The following MARK2 variants were observed in gnomAD, a reference collection of about 807,000 sequenced individuals.
The protein encoded by MARK2 is serine/threonine-protein kinase MARK2.
MARK2 carries 16 observed loss-of-function variants against 89.8 expected under a neutral mutation model. The ratio of observed to expected loss-of-function variants is 0.18; its 90% CI spans 0.12 to 0.27. The LOEUF is 0.27. MARK2 is among the 10% of genes least tolerant of loss of function. The pLI is 1.00. For synonymous variants in MARK2, 382 were observed against 399.5 expected, an observed-to-expected ratio of 0.96 and a Z score of 0.52; for missense variants, 621 against 1,049.9, an observed-to-expected ratio of 0.59 and a Z score of 5.65.
chr11:63,858,073 G>A (rs1032268870), intron 1 of MARK2, among the ~76,000 whole-genome samples: 3 of 151,812 alleles, frequency 2.0e-5, no homozygotes, highest in Non-Finnish European at 4.4e-5. Context: ...GTCACCCAGG[G>A]TGGAGTGCAG....
chr11:63,862,536 T>A (rs1488272679), intron 1 of MARK2, among the ~76,000 whole-genome samples: 1 of 152,194 alleles, frequency 6.6e-6, no homozygotes, highest in Non-Finnish European at 1.5e-5. Context: ...CATTGGTAAA[T>A]GTGGCCGAAA....
At chr11:63,890,161 G>A (rs1939717289) in intron 1 of MARK2, 2 of 1,125,286 alleles carry the variant, frequency 1.8e-6, no homozygotes, top group South Asian at 1.3e-5. Flanking sequence ...GGCCCAAGAA[G>A]CATTTCTGTT....
Position 63,902,841 on chromosome 11 carries a change from C to A in MARK2, c.1416+59C>A. ...TGCGGTGGGGCCTGCCCTCTCCAGG[C>A]AGCTCTTCTCTTAATTCAGACTCTG... On this transcript the variant is annotated intron_variant, in intron 13 of 18. Transcript: ENST00000402010. The surrounding 1 kb of genome is among the most constrained non-coding windows in gnomAD (Gnocchi z 4.2). The A allele has an allele frequency of 7.2e-7, 1 of 1,389,934 alleles. No individual in the cohort carries two copies. Among genetic ancestry groups the A allele is most frequent in the Non-Finnish European group, 1.0e-6 (1 of 989,954 alleles). The allele number at this position is 1,389,934 out of a possible 1,614,324, so 86.1% of individuals were successfully genotyped here.
In MARK2 at chr11:63,903,297, C is replaced by A; in HGVS notation, c.1514+139C>A. On this transcript the variant is annotated intron_variant, in intron 14 of 18. Coordinates refer to ENST00000402010, the MANE Select transcript of MARK2 (RefSeq NM_001039469.3). The surrounding 1 kb of genome is among the most constrained non-coding windows in gnomAD (Gnocchi z 5.1). ...GAGTTCCATCCTGGCTGTGTCCAGT[C>A]CAGCTTTCCCCTCCCCTATTCCACG... is the stretch of plus-strand genomic sequence containing the variant. The A allele has an allele frequency of 1.5e-6, 1 of 674,724 alleles. No homozygotes were observed. The highest frequency in any genetic ancestry group is 1.7e-5 in the South Asian group (1 of 59,384). The allele number at this position is 674,724 out of a possible 1,614,324, so 41.8% of individuals were successfully genotyped here. A position where few individuals can be genotyped will look rare whatever the true frequency, so the allele number is the denominator to read the frequency against.
At chr11:63,856,308 G>GTTTTT (rs771771264) in intron 1 of MARK2, among the ~76,000 whole-genome samples, 1 of 87,248 alleles carries the variant, frequency 1.1e-5, no homozygotes, top group African/African-American at 3.7e-5. Context: ...GGCCCTGTGG[G>GTTTTT]TTTTTTTTTT....
chr11:63,907,950 G>A (rs1033682946), intron 17 of MARK2, among the ~76,000 whole-genome samples: 3 of 152,274 alleles, frequency 2.0e-5, no homozygotes, highest in Non-Finnish European at 4.4e-5. Flanking sequence ...AGTGTGCTCA[G>A]TGAAGTGCGT....
At chr11:63,890,159 A>G in intron 1 of MARK2, 1 of 1,111,830 alleles carries the variant, frequency 9.0e-7, no homozygotes, top group South Asian at 1.3e-5. Context: ...TTGGCCCAAG[A>G]AGCATTTCTG....
chr11:63,878,565 T>G (rs1270784218), intron 1 of MARK2, among the ~76,000 whole-genome samples: 1 of 151,792 alleles, frequency 6.6e-6, no homozygotes, highest in Admixed American at 6.6e-5. Context: ...GAGACAGGAT[T>G]TCACCGTGTT....
intron 1 of MARK2, among the ~76,000 whole-genome samples, chr11:63,894,078 G>A (rs923431393): frequency 6.6e-6 from 1 of 152,178 alleles, no homozygotes; most frequent in African/African-American, 2.4e-5. Flanking sequence ...CATTTGAGCC[G>A]GGTGGCAGAG....
chr11:63,852,448 A>C (rs2016618612), intron 1 of MARK2, among the ~76,000 whole-genome samples: 2 of 152,126 alleles, frequency 1.3e-5, no homozygotes, highest in Non-Finnish European at 2.9e-5. Flanking sequence ...CCTAATTTTA[A>C]AAATTTTATT....
chr11:63,891,611 G>A lies in MARK2; in HGVS notation c.55-3548G>A, dbSNP rs553643166. 5.9e-5 allele frequency among the ~76,000 whole-genome samples: 9 copies of A among 152,372 alleles called. No homozygotes were observed. The East Asian group carries it at 7.7e-4, about 13-fold the overall frequency. On this transcript the variant is annotated intron_variant, in intron 1 of 18. Coordinates refer to ENST00000402010, the MANE Select transcript of MARK2 (RefSeq NM_001039469.3). ...TCTGGATTTTGAGAACTTAGAGACC[G>A]TCACACTTCCTGCTGCCTTGGGCTT...
chr11:63,875,659 C>T (rs922414904), intron 1 of MARK2, among the ~76,000 whole-genome samples: 1 of 152,150 alleles, frequency 6.6e-6, no homozygotes, highest in African/African-American at 2.4e-5. Flanking sequence ...AGGAAACCGC[C>T]CTTGAGATGG....
intron 1 of MARK2, among the ~76,000 whole-genome samples, chr11:63,858,872 A>C (rs1410995320): frequency 6.6e-6 from 1 of 152,178 alleles, no homozygotes; most frequent in Non-Finnish European, 1.5e-5. Flanking sequence ...GGGCCTCAGG[A>C]AGGCACTTGC....
chr11:63,872,790 AC>A (rs1384021088), intron 1 of MARK2, among the ~76,000 whole-genome samples: 1 of 151,678 alleles, frequency 6.6e-6, no homozygotes, highest in African/African-American at 2.4e-5. Flanking sequence ...TGCAACGGGA[AC>A]CCCGCCGCTT....
intron 1 of MARK2, among the ~76,000 whole-genome samples, chr11:63,878,665 G>A (rs1263577753): frequency 6.6e-6 from 1 of 152,000 alleles, no homozygotes; most frequent in African/African-American, 2.4e-5. Flanking sequence ...CACCGCACCT[G>A]GCTCAAGTCT....
intron 1 of MARK2, among the ~76,000 whole-genome samples, chr11:63,858,727 A>T (rs1299112593): frequency 6.6e-6 from 1 of 152,240 alleles, no homozygotes; most frequent in African/African-American, 2.4e-5. Flanking sequence ...CATCAGTAAG[A>T]GTAAAGGGAT....
chr11:63,863,526 G>A (rs922874424), intron 1 of MARK2, among the ~76,000 whole-genome samples: 31 of 138,876 alleles, frequency 2.2e-4, no homozygotes, highest in Non-Finnish European at 3.8e-4. Flanking sequence ...GTGCAGTGGC[G>A]CAATCTCAGC....
intron 1 of MARK2, among the ~76,000 whole-genome samples, chr11:63,847,117 C>T (rs1169872391): frequency 6.6e-6 from 1 of 152,180 alleles, no homozygotes; most frequent in Admixed American, 6.5e-5. Flanking sequence ...AGTGAGACCC[C>T]ATCTCAAGAT....
At chr11:63,865,117 C>T (rs547389030) in intron 1 of MARK2, among the ~76,000 whole-genome samples, 1 of 152,232 alleles carries the variant, frequency 6.6e-6, no homozygotes, top group East Asian at 1.9e-4. Context: ...CCTGGAACTC[C>T]TGGCGTCAAG....
Sources: gnomAD v4.1 joint callset for allele counts (sites outside exome capture counted in the v4.1 genomes callset) on GRCh38, gnomAD v4.1.1 for gene constraint, Gnocchi (gnomAD v3.1) non-coding constraint, MANE v1.5 for transcripts, NCBI Gene and HGNC (gene_info 2026-07-23, HGNC 2026-07-21) for gene names.